The following CHAF1A variants were observed in gnomAD, a reference collection of about 807,000 sequenced individuals.
CHAF1A encodes the protein chromatin assembly factor 1 subunit A.
A neutral mutation model predicts 93.2 loss-of-function variants in CHAF1A; 5 were observed. The observed-to-expected ratio is 0.05, with a 90% confidence interval of 0.03 to 0.11. CHAF1A has a LOEUF of 0.11. Ranked by LOEUF, CHAF1A falls within the 10% of genes least tolerant of loss-of-function variation. The pLI is 1.00. For missense variants in CHAF1A, 1,102 were observed against 1,259.9 expected (o/e 0.87, Z 1.90); for synonymous variants, 504 against 510.3 (o/e 0.99, Z 0.17).
chr19:4,448,122 AC>A (rs1378880760), downstream of CHAF1A: 37 of 600,386 alleles, frequency 6.2e-5, no homozygotes, highest in Non-Finnish European at 1.1e-4. Flanking sequence ...CATTTTGCAC[AC>A]GGGTAAACTG....
At chr19:4,446,182 C>T (rs764813172), downstream of CHAF1A, 43 of 1,606,352 alleles carry the variant, frequency 2.7e-5, no homozygotes, top group African/African-American at 5.3e-5. Context: ...CAGCCGCTCC[C>T]GAGCGTAGAA....
At chr19:4,430,188 G>A in intron 10 of CHAF1A, 1 of 315,856 alleles carries the variant, frequency 3.2e-6, no homozygotes, top group Non-Finnish European at 6.0e-6. Flanking sequence ...ACATTTTTTT[G>A]TTTCTTTAAG....
At position 4,422,718 on chromosome 19, in the gene CHAF1A, GGAGAAGGAT is replaced by G. The variant is rs769253733; in HGVS notation, c.1179_1187del (p.Asp393_Lys395del). The G allele has an allele frequency of 3.2e-5, 51 of 1,611,222 alleles. 1 individual carries two copies. The Admixed American group carries it at 5.9e-4, about 19-fold the overall frequency. On this transcript the variant is annotated inframe_deletion, in exon 5 of 15. Transcript: ENST00000301280. The surrounding 1 kb of genome is among the most constrained non-coding windows in gnomAD (Gnocchi z 4.6). ...AGGAAAAGGAGAGGCGGGAGAAGCG[GGAGAAGGAT>G]GAGAAGGAGAAGGCGGAGAAGCAGC... is the stretch of plus-strand genomic sequence containing the variant.
chr19:4,405,100 A>G (rs1276172182), intron 1 of CHAF1A, among the ~76,000 whole-genome samples: 1 of 152,172 alleles, frequency 6.6e-6, no homozygotes, highest in Non-Finnish European at 1.5e-5. Context: ...ACTTTTACTC[A>G]TTCCACTTTC....
chr19:4,444,491 T>G (rs957037604), downstream of CHAF1A: 2 of 152,370 alleles, frequency 1.3e-5, no homozygotes, highest in African/African-American at 4.8e-5. Context: ...AGTTTCCCAG[T>G]GCTCGGAGGC....
downstream of CHAF1A, chr19:4,445,941 C>T (rs1171744996): frequency 1.0e-5 from 15 of 1,478,326 alleles, no homozygotes; most frequent in Non-Finnish European, 1.2e-5. Context: ...CCTGCCCAGG[C>T]CCCCTGCTCT....
intron 4 of CHAF1A, among the ~76,000 whole-genome samples, chr19:4,419,029 A>ATTTTTTTTTTTTTTTTTTTTT (rs11406470): frequency 1.0e-5 from 1 of 96,472 alleles, no homozygotes; most frequent in African/African-American, 4.3e-5. Flanking sequence ...TAGCCAGCTA[A>ATTTTTTTTTTTTTTTTTTTTT]TTTTTTTTTT....
At chr19:4,430,887 G>T in intron 11 of CHAF1A, 1 of 510,296 alleles carries the variant, frequency 2.0e-6, no homozygotes, top group South Asian at 2.1e-5. Context: ...CCTGGTGAGG[G>T]AGCGTGGCCA....
At chr19:4,419,029 ATTTTTTTTTTT>A (rs11406470) in intron 4 of CHAF1A, among the ~76,000 whole-genome samples, 3 of 96,472 alleles carry the variant, frequency 3.1e-5, no homozygotes, top group African/African-American at 4.3e-5. Flanking sequence ...TAGCCAGCTA[ATTTTTTTTTTT>A]TTTTTTTTTT....
chr19:4,423,477 C>G (rs528785440), intron 6 of CHAF1A, 82 bp downstream of exon 6: 1 of 1,606,398 alleles, frequency 6.2e-7, no homozygotes, highest in East Asian at 2.2e-5. Flanking sequence ...CCACAGCCGT[C>G]ACCTAATATT....
At position 4,432,009 on chromosome 19, in the gene CHAF1A, G is replaced by A; in HGVS notation, c.2005G>A (p.Asp669Asn). 1 of 1,614,132 alleles carries A rather than the reference G, an allele frequency of 6.2e-7. No homozygotes were observed. The highest frequency in any genetic ancestry group is 1.1e-5 in the South Asian group (1 of 91,076). Residue 669 changes from aspartate to asparagine, a missense_variant, in exon 12 of 15, where the codon GAC becomes AAC. Coordinates refer to ENST00000301280, the MANE Select transcript of CHAF1A (RefSeq NM_005483.3). ...VRQKLKAKEW[D>N]EFLAKGKRFR... ...CCAGAAACTGAAGGCCAAGGAGTGG[G>A]ACGAGTTCCTGGCTAAGGGGAAGCG...
intron 5 of CHAF1A, among the ~76,000 whole-genome samples, chr19:4,423,108 G>C (rs1394299248): frequency 6.6e-6 from 1 of 152,176 alleles, no homozygotes; most frequent in Non-Finnish European, 1.5e-5. Flanking sequence ...ATTGTGCTCT[G>C]ACTGGCTAAA....
Position 4,431,046 on chromosome 19 carries a change from A to G in CHAF1A, c.1947+405A>G, listed in dbSNP as rs1376247092. ...GCCCGAAATAAAACAGAACTTCCCTATCTCTCCAGAAGATTGCCCACGTCT... is the reference window on the plus strand; with the variant it reads ...GCCCGAAATAAAACAGAACTTCCCTGTCTCTCCAGAAGATTGCCCACGTCT... On this transcript the variant is annotated intron_variant, in intron 11 of 14. Coordinates refer to ENST00000301280, the MANE Select transcript of CHAF1A (RefSeq NM_005483.3). 5 of 194,902 alleles carry G rather than the reference A, an allele frequency of 2.6e-5. No homozygotes were observed. The East Asian group carries it at 4.4e-4, about 17-fold the overall frequency. The allele number at this position is 194,902 out of a possible 1,614,324, so 12.1% of individuals were successfully genotyped here.
At chr19:4,432,259 C>G (rs757570221) in intron 12 of CHAF1A, 52 bp downstream of exon 12, 1 of 1,540,272 alleles carries the variant, frequency 6.5e-7, no homozygotes, top group Non-Finnish European at 8.7e-7. Context: ...CCAGCTAATT[C>G]CAGGGCTGAG....
At chr19:4,424,810 T>C (rs1974051563) in intron 7 of CHAF1A, among the ~76,000 whole-genome samples, 1 of 152,194 alleles carries the variant, frequency 6.6e-6, no homozygotes, top group Non-Finnish European at 1.5e-5. Context: ...AATTTTTGTA[T>C]TTTTAGTATA....
downstream of CHAF1A, chr19:4,448,178 G>C: frequency 1.4e-6 from 1 of 733,884 alleles, no homozygotes; most frequent in Non-Finnish European, 2.3e-6. Flanking sequence ...TCTGGGTGGA[G>C]CTGCCTCACT....
At chr19:4,432,271 G>T in intron 12 of CHAF1A, 64 bp downstream of exon 12, 1 of 1,516,086 alleles carries the variant, frequency 6.6e-7, no homozygotes, top group East Asian at 2.3e-5. Context: ...AGGGCTGAGG[G>T]CAAGAGTCAC....
chr19:4,436,694 A>G (rs1599662469), intron 13 of CHAF1A, among the ~76,000 whole-genome samples: 2 of 152,026 alleles, frequency 1.3e-5, no homozygotes, highest in Non-Finnish European at 2.9e-5. Flanking sequence ...GGGTCTCCTC[A>G]TGCTCCACAC....
chr19:4,408,841 A>C (rs544391423), intron 2 of CHAF1A, 62 bp from the exon 3 acceptor site: 2 of 1,529,150 alleles, frequency 1.3e-6, no homozygotes, highest in African/African-American at 1.4e-5. Flanking sequence ...AGTAATTTTC[A>C]AGCTCATGAG....
Sources: gnomAD v4.1 joint callset for allele counts (sites outside exome capture counted in the v4.1 genomes callset) on GRCh38, gnomAD v4.1.1 for gene constraint, Gnocchi (gnomAD v3.1) non-coding constraint, MANE v1.5 for transcripts, NCBI Gene and HGNC (gene_info 2026-07-23, HGNC 2026-07-21) for gene names.